YEATS4: variants seen among roughly 807,000 people sequenced by gnomAD.
YEATS4 encodes YEATS domain-containing protein 4.
In YEATS4, 17 loss-of-function variants were observed where a neutral mutation model predicts 30.1. The ratio of observed to expected loss-of-function variants is 0.56; its 90% CI spans 0.39 to 0.85. YEATS4 has a LOEUF of 0.85. Among genes scored for constraint, YEATS4 ranks in the 40% least tolerant of loss-of-function variants. The probability of loss-of-function intolerance (pLI) is 0.00; values close to 1 mark genes in which losing one functional copy is unlikely to be tolerated. For synonymous variants in YEATS4, 85 were observed against 87.5 expected (o/e 0.97, Z 0.16); for missense variants, 142 against 268.3 (o/e 0.53, Z 3.29).
At chr12:69,421,335 A>T in the YEATS4 span, among the ~76,000 whole-genome samples, 3 of 152,362 alleles carry the variant, frequency 2.0e-5, no homozygotes, top group East Asian at 5.8e-4. Context: ...TAGGAAAAAA[A>T]GTTATAAAGG....
In YEATS4 at chr12:69,359,930, C is replaced by T; in HGVS notation, c.-43C>T. On this transcript the variant is annotated 5_prime_UTR_variant, in exon 1 of 7. Coordinates refer to ENST00000247843, the MANE Select transcript of YEATS4 (RefSeq NM_006530.4). ...AGGGGAGCGGCGACCCCGCCAGCCC[C>T]GGTCTCTTTCCCTGGCGGCGGCGGC... 6.2e-7 allele frequency: 1 copy of T among 1,611,132 alleles called. No homozygotes were observed. Among genetic ancestry groups the T allele is most frequent in the Non-Finnish European group, 8.5e-7 (1 of 1,178,342 alleles).
chr12:69,411,613 G>C, the YEATS4 span, among the ~76,000 whole-genome samples: 1 of 152,220 alleles, frequency 6.6e-6, no homozygotes. Context: ...TTGAACAGGG[G>C]AAGAGAATTG....
chr12:69,425,225 G>T, the YEATS4 span, among the ~76,000 whole-genome samples: 6 of 152,124 alleles, frequency 3.9e-5, no homozygotes, highest in African/African-American at 9.7e-5. Flanking sequence ...GCCCAGCCGG[G>T]TCTTAGTATT....
downstream of YEATS4, among the ~76,000 whole-genome samples, chr12:69,394,323 A>G (rs1367773505): frequency 6.6e-6 from 1 of 152,226 alleles, no homozygotes; most frequent in East Asian, 1.9e-4. Context: ...TGGGACATAT[A>G]TGTGTCTAAA....
the YEATS4 span, among the ~76,000 whole-genome samples, chr12:69,417,153 A>ATT: frequency 9.9e-3 from 1,354 of 136,310 alleles, 49 homozygotes; most frequent in African/African-American, 0.035. Flanking sequence ...ATTTTTTAAA[A>ATT]ATTTTTTTTT....
chr12:69,398,324 A>C, the YEATS4 span, among the ~76,000 whole-genome samples: 9,323 of 152,218 alleles, frequency 0.061, 428 homozygotes, highest in African/African-American at 0.13. Context: ...CACACACACA[A>C]AAAAACTATT....
At chr12:69,419,575 A>G in the YEATS4 span, among the ~76,000 whole-genome samples, 3 of 152,140 alleles carry the variant, frequency 2.0e-5, no homozygotes, top group African/African-American at 4.8e-5. Context: ...TTGAATCAAG[A>G]CAGGGACTAT....
chr12:69,390,193 G>A lies in YEATS4; in HGVS notation c.561G>A (p.Lys187=). ...VKTREKLEAA[K]KKTSFEIAEL... ...CCAGAGAAAAATTAGAAGCTGCTAA[G>A]AAAAAAACAAGCTTTGAGATTGCAG... The change falls in exon 7 of 7, where the codon AAG becomes AAA. Residue 187 remains lysine, a synonymous_variant. Coordinates refer to ENST00000247843, the MANE Select transcript of YEATS4 (RefSeq NM_006530.4). 2 of 1,597,108 alleles carry A rather than the reference G, an allele frequency of 1.3e-6. No homozygotes were observed. Among genetic ancestry groups the A allele is most frequent in the South Asian group, 2.3e-5 (2 of 86,674 alleles).
At chr12:69,425,943 T>G in the YEATS4 span, among the ~76,000 whole-genome samples, 3 of 152,202 alleles carry the variant, frequency 2.0e-5, no homozygotes, top group African/African-American at 4.8e-5. Context: ...TGTACTCCCT[T>G]CCTTCTAATA....
chr12:69,368,851 T>C (rs1388962489), intron 4 of YEATS4, among the ~76,000 whole-genome samples: 1 of 152,208 alleles, frequency 6.6e-6, no homozygotes, highest in Non-Finnish European at 1.5e-5. Context: ...ACCAGTCATA[T>C]TGGATTGTGG....
chr12:69,366,276 T>TTTAAG (rs1875425356), intron 4 of YEATS4, among the ~76,000 whole-genome samples: 1 of 152,188 alleles, frequency 6.6e-6, no homozygotes, highest in Non-Finnish European at 1.5e-5. Flanking sequence ...TAAGCTGTCA[T>TTTAAG]CAGTACTAGC....
At chr12:69,373,123 G>T (rs1440057685) in intron 6 of YEATS4, among the ~76,000 whole-genome samples, 1 of 152,138 alleles carries the variant, frequency 6.6e-6, no homozygotes, top group African/African-American at 2.4e-5. Flanking sequence ...ATATCTTTTT[G>T]ATATACTGAC....
chr12:69,360,575 A>G (rs866765939), intron 1 of YEATS4, among the ~76,000 whole-genome samples: 5 of 152,260 alleles, frequency 3.3e-5, no homozygotes, highest in South Asian at 2.1e-4. Flanking sequence ...GTAAATGTCA[A>G]CTTCTTTTGT....
chr12:69,385,914 A>G (rs1876258999), intron 6 of YEATS4, among the ~76,000 whole-genome samples: 1 of 152,302 alleles, frequency 6.6e-6, no homozygotes, highest in Admixed American at 6.5e-5. Flanking sequence ...CTTGCCCAAA[A>G]TTACCCAGTA....
the YEATS4 span, among the ~76,000 whole-genome samples, chr12:69,419,215 C>CTTTTTTTTTT: frequency 8.6e-6 from 1 of 116,584 alleles, no homozygotes; most frequent in Non-Finnish European, 1.8e-5. Context: ...TCCTATTTTA[C>CTTTTTTTTTT]TTTTTTTTTT....
chr12:69,387,283 C>T (rs1868262909), intron 6 of YEATS4, among the ~76,000 whole-genome samples: 1 of 152,308 alleles, frequency 6.6e-6, no homozygotes, highest in South Asian at 2.1e-4. Flanking sequence ...TACAGAAATA[C>T]TGTTTTTAAC....
intron 6 of YEATS4, among the ~76,000 whole-genome samples, chr12:69,376,530 A>G (rs1228579837): frequency 3.9e-5 from 6 of 152,208 alleles, no homozygotes; most frequent in Non-Finnish European, 8.8e-5. Flanking sequence ...GCTCATGTTG[A>G]GCGATTCTTA....
At chr12:69,374,454 G>C (rs61927176) in intron 6 of YEATS4, among the ~76,000 whole-genome samples, 1 of 151,698 alleles carries the variant, frequency 6.6e-6, no homozygotes, top group Non-Finnish European at 1.5e-5. Context: ...GTGTTTCTCG[G>C]AGAGGGGGAT....
At chr12:69,397,998 G>A in the YEATS4 span, among the ~76,000 whole-genome samples, 2 of 152,000 alleles carry the variant, frequency 1.3e-5, no homozygotes, top group African/African-American at 4.8e-5. Context: ...AATAAATGCA[G>A]ACAAATCATT....
Sources: allele counts gnomAD v4.1 joint callset (sites outside exome capture counted in the v4.1 genomes callset), GRCh38; gene constraint gnomAD v4.1.1; transcripts MANE v1.5; gene names NCBI Gene and HGNC (gene_info 2026-07-23, HGNC 2026-07-21).